Variants in IFT122 observed in about 807,000 individuals in gnomAD.
The protein encoded by IFT122 is intraflagellar transport 122.
IFT122 carries 118 observed loss-of-function variants against 161.6 expected under a neutral mutation model. The ratio of observed to expected loss-of-function variants is 0.73; its 90% CI spans 0.63 to 0.85. The LOEUF (loss-of-function observed/expected upper bound fraction) is 0.85, where lower values mean the gene tolerates loss of function less well. Among genes scored for constraint, IFT122 ranks in the 40% least tolerant of loss-of-function variants. The probability of loss-of-function intolerance (pLI) is 0.00; values close to 1 mark genes in which losing one functional copy is unlikely to be tolerated. For synonymous variants in IFT122, 550 were observed against 602.4 expected, an observed-to-expected ratio of 0.91 and a Z score of 1.27; for missense variants, 1,381 against 1,579.6, an observed-to-expected ratio of 0.87 and a Z score of 2.13.
rs2079523124 is a variant in IFT122, at chr3:129,488,015, G to A, written c.1852-242G>A. 4 of 595,928 alleles carry A rather than the reference G, an allele frequency of 6.7e-6. No individual in the cohort carries two copies. In the East Asian group the frequency reaches 1.2e-4, roughly 17 times the overall value. 36.9% of individuals were successfully genotyped at this position (595,928 alleles called of 1,614,324 possible). On this transcript the variant is annotated intron_variant, in intron 15 of 29. Transcript: ENST00000348417. ...GCGAGGCAGGCCTGTAGGTGGGAAG[G>A]AGGGGAGGATGGGCAGAGAGTTTGT...
chr3:129,457,840 AT>A, intron 3 of IFT122: 1 of 141,972 alleles, frequency 7.0e-6, no homozygotes, highest in Non-Finnish European at 1.5e-5. Flanking sequence ...GGTTCACTCC[AT>A]TTTCCCACCT....
At chr3:129,461,033 A>G (rs779347932) in intron 4 of IFT122, 195 bp from the exon 5 acceptor site, 1 of 1,098,252 alleles carries the variant, frequency 9.1e-7, no homozygotes, top group Non-Finnish European at 1.4e-6. Context: ...ACAAATAAGA[A>G]AACAGTGGGT....
At chr3:129,461,987 G>A (rs935517775) in intron 5 of IFT122, among the ~76,000 whole-genome samples, 1 of 152,168 alleles carries the variant, frequency 6.6e-6, no homozygotes, top group Non-Finnish European at 1.5e-5. Context: ...GTTGCTAGTG[G>A]ATACAATGAA....
chr3:129,500,030 G>A lies in IFT122; in HGVS notation c.2337G>A (p.Lys779=), dbSNP rs550377591. The A allele has an allele frequency of 9.3e-6, 15 of 1,614,210 alleles. No homozygotes were observed. The South Asian group carries it at 1.3e-4, about 14-fold the overall frequency. ...EMYISAGEHV[K]AIEICGDHGW... is the part of the protein sequence containing the mutation. ...ACATCTCAGCAGGAGAGCACGTCAAGGCCATCGAGATCTGTGGTGACCATG... is the reference window on the plus strand; with the variant it reads ...ACATCTCAGCAGGAGAGCACGTCAAAGCCATCGAGATCTGTGGTGACCATG... Residue 779 remains lysine, a synonymous_variant, in exon 19 of 30, where the codon AAG becomes AAA. Coordinates refer to ENST00000348417, the MANE Select transcript of IFT122 (RefSeq NM_052989.3).
intron 3 of IFT122, among the ~76,000 whole-genome samples, chr3:129,455,554 A>G (rs567186131): frequency 2.0e-5 from 3 of 152,260 alleles, no homozygotes; most frequent in African/African-American, 7.2e-5. Context: ...ACAATATAAT[A>G]TGAAGAAATA....
chr3:129,462,537 A>G (rs1426750960), intron 5 of IFT122, among the ~76,000 whole-genome samples: 1 of 152,240 alleles, frequency 6.6e-6, no homozygotes, highest in East Asian at 1.9e-4. Flanking sequence ...TCTGCTAAGC[A>G]CTGCTGAAGG....
chr3:129,440,265 G>C lies in IFT122; in HGVS notation c.-66G>C. On this transcript the variant is annotated 5_prime_UTR_variant, in exon 1 of 30. Transcript: ENST00000348417. ...GTGGCTTGTGGAGTGGCGACCGTTA[G>C]TGAGGCGGTTGCTGAGACAGACGCT... The C allele has an allele frequency of 6.5e-7, 1 of 1,544,810 alleles. No homozygotes were observed. The highest frequency in any genetic ancestry group is 1.2e-5 in the South Asian group (1 of 83,926).
intron 1 of IFT122, among the ~76,000 whole-genome samples, chr3:129,440,996 A>G (rs2311394): frequency 0.16 from 24,608 of 152,166 alleles, 2,859 homozygotes; most frequent in African/African-American, 0.32. Flanking sequence ...TATGATCAGA[A>G]AGGTGCTCAA....
intron 5 of IFT122, 155 bp from the exon 6 acceptor site, chr3:129,463,405 G>T (rs990802611): frequency 7.6e-6 from 5 of 654,894 alleles, no homozygotes; most frequent in African/African-American, 1.8e-5. Flanking sequence ...AAATGGAATC[G>T]TACAGTATAT....
intron 28 of IFT122, 150 bp downstream of exon 28, chr3:129,519,336 G>C: frequency 2.1e-6 from 2 of 960,862 alleles, no homozygotes; most frequent in Non-Finnish European, 3.2e-6. Flanking sequence ...ACCCCTTCCT[G>C]TGGGGTGTGG....
intron 3 of IFT122, among the ~76,000 whole-genome samples, chr3:129,455,898 TGAGGAG>T (rs57434974): frequency 0.15 from 22,365 of 150,644 alleles, 2,126 homozygotes; most frequent in South Asian, 0.26. Flanking sequence ...TTGAATAGGC[TGAGGAG>T]GAGGAGGAGG....
intron 11 of IFT122, among the ~76,000 whole-genome samples, chr3:129,477,112 G>C (rs902442331): frequency 6.6e-6 from 1 of 152,084 alleles, no homozygotes; most frequent in Non-Finnish European, 1.5e-5. Flanking sequence ...ACAGGTTGGA[G>C]CCAGGTGGTT....
chr3:129,503,032 C>G, intron 20 of IFT122, 150 bp downstream of exon 20: 2 of 691,188 alleles, frequency 2.9e-6, no homozygotes, highest in East Asian at 5.4e-5. Flanking sequence ...AACTTAACCT[C>G]GAATTCTCTG....
chr3:129,446,868 G>T lies in IFT122; in HGVS notation c.42-3003G>T, dbSNP rs564600380. On this transcript the variant is annotated intron_variant, in intron 1 of 29. Coordinates refer to ENST00000348417, the MANE Select transcript of IFT122 (RefSeq NM_052989.3). ...ACTATGGGTTGGGTTTTGTTTTTTT[G>T]TTGTTGTTGTTTGTTTTTTGTGTGT... Among the ~76,000 whole-genome samples the T allele has an allele frequency of 1.7e-4, 26 of 151,956 alleles. 1 individual carries two copies. The South Asian group carries it at 3.1e-3, about 18-fold the overall frequency.
At chr3:129,514,211 G>A in intron 24 of IFT122, 178 bp from the exon 25 acceptor site, 1 of 729,056 alleles carries the variant, frequency 1.4e-6, no homozygotes, top group Non-Finnish European at 2.5e-6. Flanking sequence ...CCTGGGCCTT[G>A]CCATCCGAGA....
intron 27 of IFT122, among the ~76,000 whole-genome samples, chr3:129,518,523 A>T (rs2084302419): frequency 6.6e-6 from 1 of 152,174 alleles, no homozygotes; most frequent in Admixed American, 6.5e-5. Flanking sequence ...AGACGGACCC[A>T]TCTCTGCCAC....
intron 1 of IFT122, among the ~76,000 whole-genome samples, chr3:129,443,271 T>C (rs2073511850): frequency 6.6e-6 from 1 of 152,144 alleles, no homozygotes; most frequent in Non-Finnish European, 1.5e-5. Context: ...CTGTGGGACA[T>C]TGGTTTACAG....
intron 21 of IFT122, among the ~76,000 whole-genome samples, chr3:129,504,931 A>G (rs563478528): frequency 3.9e-5 from 6 of 152,322 alleles, no homozygotes; most frequent in East Asian, 3.9e-4. Context: ...ATAGAAACTC[A>G]GCTTCTATTT....
rs774872663 is a variant in IFT122 at position 129,483,679 on chromosome 3, G to A, written c.1848G>A (p.Pro616=). ...HVFSISAVEV[P]QSAPMYQYLD... ...TCTCCATTTCTGCCGTGGAGGTGCC[G>A]CAGGTAACTGGGGGTGCCTGTCCAC... Residue 616 remains proline, a synonymous_variant, in exon 15 of 30, where the codon CCG becomes CCA. Transcript: ENST00000348417. 1.8e-5 allele frequency: 29 copies of A among 1,589,376 alleles called. No homozygotes were observed. Among genetic ancestry groups the A allele is most frequent in the East Asian group, 4.6e-5 (2 of 43,588 alleles).
Sources: allele counts gnomAD v4.1 joint callset (sites outside exome capture counted in the v4.1 genomes callset), GRCh38; gene constraint gnomAD v4.1.1; transcripts MANE v1.5; gene names NCBI Gene and HGNC (gene_info 2026-07-23, HGNC 2026-07-21).